Variants in RBL2 observed in about 807,000 individuals in gnomAD.
The protein encoded by RBL2 is retinoblastoma-like protein 2.
RBL2 carries 56 observed loss-of-function variants against 126.0 expected under a neutral mutation model. The ratio of observed to expected loss-of-function variants is 0.44; its 90% CI spans 0.36 to 0.56. The LOEUF is 0.56. RBL2 is among the 20% of genes least tolerant of loss of function. The pLI is 0.00. For missense variants in RBL2, 1,229 were observed against 1,398.2 expected (o/e 0.88, Z 1.93); for synonymous variants, 454 against 478.5 (o/e 0.95, Z 0.67).
At chr16:53,435,221 C>A (rs993765079) in intron 1 of RBL2, among the ~76,000 whole-genome samples, 1 of 152,128 alleles carries the variant, frequency 6.6e-6, no homozygotes, top group African/African-American at 2.4e-5. Flanking sequence ...CAGGCGTCTC[C>A]GTCTGTTCGC....
intron 4 of RBL2, among the ~76,000 whole-genome samples, chr16:53,450,280 G>A (rs1288373640): frequency 6.6e-6 from 1 of 151,946 alleles, no homozygotes; most frequent in Admixed American, 6.6e-5. Flanking sequence ...CTTTGTATAC[G>A]CTGAGGTAAG....
chr16:53,479,986 A>G lies in RBL2; in HGVS notation c.2876A>G (p.Asp959Gly), dbSNP rs779483592. 2 of 1,591,070 alleles carry G rather than the reference A, an allele frequency of 1.3e-6. No individual in the cohort carries two copies. Among genetic ancestry groups the G allele is most frequent in the East Asian group, 2.2e-5 (1 of 44,768 alleles). ...HQNSPTELNK[D>G]RTSRDSSPVM... is the part of the protein sequence containing the mutation. ...AATTCTCCAACAGAACTAAACAAAG[A>G]TAGAAGTAAGTGGGATCTTTGTGAA... Residue 959 changes from aspartate to glycine, a missense_variant, in exon 19 of 22, where the codon GAT becomes GGT. Coordinates refer to ENST00000262133, the MANE Select transcript of RBL2 (RefSeq NM_005611.4).
chr16:53,451,617 T>C, intron 4 of RBL2, 86 bp from the exon 5 acceptor site: 1 of 1,427,282 alleles, frequency 7.0e-7, no homozygotes, highest in Non-Finnish European at 9.6e-7. Context: ...TGTTTTGTAA[T>C]GTCATAATAA....
chr16:53,446,364 A>C (rs1484894481), intron 3 of RBL2, among the ~76,000 whole-genome samples: 2 of 152,124 alleles, frequency 1.3e-5, no homozygotes, highest in African/African-American at 2.4e-5. Context: ...GCAGTGCTGG[A>C]ACTAAATCTA....
intron 20 of RBL2, chr16:53,481,434 T>C (rs1308511565): frequency 9.7e-6 from 4 of 412,620 alleles, no homozygotes; most frequent in African/African-American, 2.1e-5. Flanking sequence ...CATATGGGGT[T>C]GTTGTAAGGA....
At chr16:53,459,195 A>G (rs1461048341) in intron 8 of RBL2, among the ~76,000 whole-genome samples, 1 of 152,176 alleles carries the variant, frequency 6.6e-6, no homozygotes, top group Non-Finnish European at 1.5e-5. Flanking sequence ...CTTTTAAGAG[A>G]CAAACTTTTA....
intron 13 of RBL2, 144 bp from the exon 14 acceptor site, chr16:53,466,911 TAAC>T: frequency 1.5e-6 from 1 of 649,096 alleles, no homozygotes; most frequent in Non-Finnish European, 2.6e-6. Flanking sequence ...GTTTTTTTTT[TAAC>T]TTTATTATTA....
intron 2 of RBL2, 69 bp from the exon 3 acceptor site, chr16:53,442,589 T>G: frequency 8.5e-7 from 1 of 1,170,242 alleles, no homozygotes; most frequent in Non-Finnish European, 1.2e-6. Flanking sequence ...GATTTACTTT[T>G]GAATACTTAC....
chr16:53,441,811 GTTTCTT>G lies in RBL2; in HGVS notation c.372-825_372-820del, dbSNP rs764807538. Among the ~76,000 whole-genome samples the G allele has an allele frequency of 6.7e-3, 1,013 of 151,974 alleles. 13 individuals carry two copies. The highest frequency in any genetic ancestry group is 0.022 in the African/African-American group (924 of 41,468). On this transcript the variant is annotated intron_variant, in intron 2 of 21. Transcript: ENST00000262133. ...GGAGTATAAAATGGTAATTTTGACT[GTTTCTT>G]TTTCTTTTTCTTTTTCTTTTTTGAG... is the stretch of plus-strand genomic sequence containing the variant.
At chr16:53,435,576 T>TC in intron 1 of RBL2, 1 of 1,233,478 alleles carries the variant, frequency 8.1e-7, no homozygotes, top group South Asian at 1.4e-5. Flanking sequence ...TGTATGCACC[T>TC]CCCCTTCATG....
At chr16:53,484,131 A>T (rs183163971) in intron 21 of RBL2, among the ~76,000 whole-genome samples, 3 of 152,338 alleles carry the variant, frequency 2.0e-5, no homozygotes, top group Admixed American at 2.0e-4. Flanking sequence ...TGGAAACATA[A>T]ATTGGCAGTA....
At chr16:53,447,456 C>T (rs960176057) in intron 4 of RBL2, among the ~76,000 whole-genome samples, 4 of 152,024 alleles carry the variant, frequency 2.6e-5, no homozygotes, top group Non-Finnish European at 4.4e-5. Flanking sequence ...TTTAGTTGAG[C>T]GCAATTACTG....
chr16:53,459,248 C>T (rs1183100147), intron 8 of RBL2, among the ~76,000 whole-genome samples: 1 of 152,132 alleles, frequency 6.6e-6, no homozygotes, highest in African/African-American at 2.4e-5. Context: ...TTCGTCTTCA[C>T]ATGGATATTG....
intron 17 of RBL2, among the ~76,000 whole-genome samples, chr16:53,477,727 G>T (rs1960785778): frequency 6.6e-6 from 1 of 152,036 alleles, no homozygotes; most frequent in African/African-American, 2.4e-5. Flanking sequence ...CTTTGCTCCT[G>T]CCTACCTCCT....
chr16:53,475,218 CGTTTT>C (rs1183288693), intron 17 of RBL2, among the ~76,000 whole-genome samples: 1 of 151,848 alleles, frequency 6.6e-6, no homozygotes, highest in East Asian at 1.9e-4. Flanking sequence ...TTGTAGTTTT[CGTTTT>C]GTTTTGTTTT....
chr16:53,472,657 T>C (rs2150816550), intron 17 of RBL2, among the ~76,000 whole-genome samples: 1 of 152,330 alleles, frequency 6.6e-6, no homozygotes, highest in Non-Finnish European at 1.5e-5. Context: ...ATGTATGATT[T>C]GCAAATATTT....
intron 2 of RBL2, among the ~76,000 whole-genome samples, chr16:53,441,543 A>G (rs2058016315): frequency 6.6e-6 from 1 of 152,240 alleles, no homozygotes. Context: ...AGCAATTAAA[A>G]TGAATATATC....
chr16:53,480,645 C>G lies in RBL2; in HGVS notation c.2960C>G (p.Pro987Arg). Residue 987 changes from proline to arginine, a missense_variant, in exon 20 of 22, where the codon CCT becomes CGT. Physicochemically the swap from Pro to Arg is moderately radical, Grantham distance 103 (BLOSUM62 -2). Coordinates refer to ENST00000262133, the MANE Select transcript of RBL2 (RefSeq NM_005611.4). ...VPQPSSAPPT[P>R]TRLTGANSDM... ...CAGCCCAGCAGTGCTCCTCCCACAC[C>G]TACTCGCCTCACAGGTGCCAACAGT... is the stretch of plus-strand genomic sequence containing the variant. The G allele has an allele frequency of 1.2e-6, 2 of 1,614,010 alleles. No individual in the cohort carries two copies. Among genetic ancestry groups the G allele is most frequent in the East Asian group, 2.2e-5 (1 of 44,874 alleles).
rs367720113 is a variant in RBL2 at position 53,483,755 on chromosome 16, T to C, written c.3249+1920T>C. ...AAAGTACAAAAAAATTAGCCGGGCA[T>C]GGTGGTGGACACCTGTAATCCCAGC... On this transcript the variant is annotated intron_variant, in intron 21 of 21. Coordinates refer to ENST00000262133, the MANE Select transcript of RBL2 (RefSeq NM_005611.4). 2.1e-4 allele frequency among the ~76,000 whole-genome samples: 32 copies of C among 152,020 alleles called. No individual in the cohort carries two copies. In the East Asian group the frequency reaches 6.2e-3, roughly 30 times the overall value.
Sources: gnomAD v4.1 joint callset for allele counts (sites outside exome capture counted in the v4.1 genomes callset) on GRCh38, gnomAD v4.1.1 for gene constraint, MANE v1.5 for transcripts, NCBI Gene and HGNC (gene_info 2026-07-23, HGNC 2026-07-21) for gene names.